The following TSHZ3 variants were observed in gnomAD, a reference collection of about 807,000 sequenced individuals.
TSHZ3 encodes the protein teashirt zinc finger homeobox 3.
TSHZ3 carries 10 observed loss-of-function variants against 64.5 expected under a neutral mutation model. The observed-to-expected ratio is 0.16, with a 90% CI of 0.10 to 0.26. The LOEUF (loss-of-function observed/expected upper bound fraction) is 0.26, where lower values mean the gene tolerates loss of function less well. Among genes scored for constraint, TSHZ3 ranks in the 10% least tolerant of loss-of-function variants. The pLI is 1.00. For missense variants in TSHZ3, 1,242 were observed against 1,421.7 expected (o/e 0.87, Z 2.03); for synonymous variants, 608 against 593.1 (o/e 1.03, Z -0.36).
intron 1 of TSHZ3, among the ~76,000 whole-genome samples, chr19:31,345,998 G>T (rs967021792): frequency 6.6e-6 from 1 of 152,010 alleles, no homozygotes; most frequent in African/African-American, 2.4e-5. Context: ...GCAAACTCCC[G>T]CCCAGGTTTC....
chr19:31,349,145 G>T (rs993059682), intron 1 of TSHZ3, 35 bp downstream of exon 1: 1 of 1,538,274 alleles, frequency 6.5e-7, no homozygotes, highest in Non-Finnish European at 8.7e-7. Context: ...AGGAAGAGGA[G>T]GAGGAGAGCA....
intron 1 of TSHZ3, among the ~76,000 whole-genome samples, chr19:31,347,902 T>C (rs2021562987): frequency 6.6e-6 from 1 of 152,058 alleles, no homozygotes. Flanking sequence ...ATGATGGAAA[T>C]TATGGGCACT....
intron 5 of TSHZ3, among the ~76,000 whole-genome samples, chr19:31,164,190 A>G (rs995794961): frequency 6.6e-6 from 1 of 152,148 alleles, no homozygotes; most frequent in African/African-American, 2.4e-5. Context: ...GAGACCAGCC[A>G]GGTGGCTGTT....
intron 6 of TSHZ3, among the ~76,000 whole-genome samples, chr19:31,154,094 G>A (rs1974272781): frequency 6.6e-5 from 10 of 152,116 alleles, no homozygotes; most frequent in Admixed American, 6.5e-4. Context: ...TTGTACTTCT[G>A]CCATCACCAT....
At chr19:31,293,893 G>C (rs1001757329) in intron 1 of TSHZ3, among the ~76,000 whole-genome samples, 1 of 152,162 alleles carries the variant, frequency 6.6e-6, no homozygotes, top group Non-Finnish European at 1.5e-5. Flanking sequence ...CAAAGACCAA[G>C]GGTCACTTCA....
chr19:31,284,519 C>T (rs376626133), intron 1 of TSHZ3, among the ~76,000 whole-genome samples: 11 of 152,146 alleles, frequency 7.2e-5, no homozygotes, highest in African/African-American at 2.7e-4. Flanking sequence ...CACCATTTGC[C>T]CGGTTCCCCT....
At chr19:31,341,630 GACACACACACACACAC>G (rs57786287) in intron 1 of TSHZ3, among the ~76,000 whole-genome samples, 6,647 of 138,064 alleles carry the variant, frequency 0.048, 535 homozygotes, top group African/African-American at 0.17. Context: ...CTCTCTCTCT[GACACACACACACACAC>G]ACACACACAC....
chr19:31,154,251 G>T (rs1974274626), intron 6 of TSHZ3, among the ~76,000 whole-genome samples: 1 of 152,212 alleles, frequency 6.6e-6, no homozygotes, highest in Admixed American at 6.5e-5. Flanking sequence ...GTTTATTGTT[G>T]TGTACCACTG....
At position 31,190,246 on chromosome 19, in the gene TSHZ3, T is replaced by G. The variant is rs551267726; in HGVS notation, n.809+14710A>C. On this transcript the variant is annotated intron_variant and non_coding_transcript_variant, in intron 5 of 6. Transcript: ENST00000651361. ...CTACGTAGATGTTCCCTGGAGTTTT[T>G]GGCAGAATTCTAAGACAGGCATGCA... 3.9e-5 allele frequency among the ~76,000 whole-genome samples: 6 copies of G among 152,184 alleles called. No individual in the cohort carries two copies. The South Asian group carries it at 1.2e-3, about 32-fold the overall frequency.
At chr19:31,318,500 A>G (rs1239840969) in intron 1 of TSHZ3, among the ~76,000 whole-genome samples, 1 of 152,258 alleles carries the variant, frequency 6.6e-6, no homozygotes, top group Non-Finnish European at 1.5e-5. Context: ...ATAAAAAATG[A>G]TAACAGTATA....
intron 3 of TSHZ3, among the ~76,000 whole-genome samples, chr19:31,228,894 C>T (rs900973439): frequency 2.0e-5 from 3 of 152,180 alleles, no homozygotes; most frequent in Non-Finnish European, 4.4e-5. Context: ...TGCACTACCT[C>T]GCCACTCTAA....
At position 31,277,135 on chromosome 19, in the gene TSHZ3, C is replaced by G; in HGVS notation, c.2658G>C (p.Thr886=). ...GATLEEAEES[T]PAQKRKGRQS... ...GGCGGCCCTTCCTCTTCTGGGCGGG[C>G]GTCGACTCCTCAGCCTCCTCCAGAG... Residue 886 remains threonine (T), a synonymous_variant, in exon 2 of 2, where the codon ACG becomes ACC. Coordinates refer to ENST00000240587, the MANE Select transcript of TSHZ3 (RefSeq NM_020856.4). This position sits in a 1 kb window ranked among gnomAD's most constrained non-coding sequence, Gnocchi z 4.5. The G allele has an allele frequency of 1.2e-6, 2 of 1,607,186 alleles. No homozygotes were observed. Among genetic ancestry groups the G allele is most frequent in the Non-Finnish European group, 1.7e-6 (2 of 1,175,526 alleles).
At chr19:31,157,940 T>C (rs1252771396) in intron 5 of TSHZ3, among the ~76,000 whole-genome samples, 1 of 152,248 alleles carries the variant, frequency 6.6e-6, no homozygotes, top group East Asian at 1.9e-4. Flanking sequence ...CACCCTGTGG[T>C]CACTCTCGTG....
chr19:31,174,991 C>T (rs758664695), intron 5 of TSHZ3, among the ~76,000 whole-genome samples: 10 of 152,210 alleles, frequency 6.6e-5, no homozygotes, highest in Non-Finnish European at 1.0e-4. Flanking sequence ...ACTTGGGTCC[C>T]ACACAGCAAA....
At chr19:31,205,413 C>T (rs770380777) in intron 4 of TSHZ3, among the ~76,000 whole-genome samples, 3 of 152,158 alleles carry the variant, frequency 2.0e-5, no homozygotes, top group Admixed American at 6.5e-5. Flanking sequence ...TGCAAGTCTG[C>T]GTTGCTCCCT....
At chr19:31,156,168 T>G (rs1974303410) in intron 6 of TSHZ3, among the ~76,000 whole-genome samples, 1 of 152,222 alleles carries the variant, frequency 6.6e-6, no homozygotes, top group Admixed American at 6.5e-5. Context: ...TTGTATATGC[T>G]CTAGAATGTA....
rs368807538 is a variant in TSHZ3, at chr19:31,279,268, C to A, written c.525G>T (p.Thr175=). Reference sequence around the variant, plus strand: ...TGCGGCTCTGTGACACCTGCTGCAGCGTCTTAGCCATGGCGCTCTGGTGCC... The same window carrying A: ...TGCGGCTCTGTGACACCTGCTGCAGAGTCTTAGCCATGGCGCTCTGGTGCC... ...FDWHQSAMAK[T]LQQVSQSRML... The change falls in exon 2 of 2, where the codon ACG becomes ACT. Residue 175 remains threonine (T), a synonymous_variant. Coordinates refer to ENST00000240587, the MANE Select transcript of TSHZ3 (RefSeq NM_020856.4). This position sits in a 1 kb window ranked among gnomAD's most constrained non-coding sequence, Gnocchi z 6.4. 2.2e-4 allele frequency: 361 copies of A among 1,614,124 alleles called. 2 individuals are homozygous for A. The South Asian group carries it at 3.6e-3, about 16-fold the overall frequency.
intron 5 of TSHZ3, among the ~76,000 whole-genome samples, chr19:31,196,377 A>G (rs1440441305): frequency 6.6e-6 from 1 of 152,012 alleles, no homozygotes; most frequent in African/African-American, 2.4e-5. Flanking sequence ...AGTTAAAATC[A>G]CAAATGGCAT....
intron 5 of TSHZ3, among the ~76,000 whole-genome samples, chr19:31,179,311 G>A (rs765132099): frequency 5.9e-5 from 9 of 152,170 alleles, no homozygotes; most frequent in Non-Finnish European, 1.2e-4. Context: ...TTTGCCAGGA[G>A]AATACAGCCA....
Sources: gnomAD v4.1 joint callset for allele counts (sites outside exome capture counted in the v4.1 genomes callset) on GRCh38, gnomAD v4.1.1 for gene constraint, Gnocchi (gnomAD v3.1) non-coding constraint, MANE v1.5 for transcripts, NCBI Gene and HGNC (gene_info 2026-07-23, HGNC 2026-07-21) for gene names.